ZNF551: variants seen among roughly 807,000 people sequenced by gnomAD.
ZNF551 encodes the protein zinc finger protein 551, also known as KOX 23 protein (56 AA).
ZNF551 carries 5 observed loss-of-function variants against 7.9 expected under a neutral mutation model. The ratio of observed to expected loss-of-function variants is 0.63; its 90% confidence interval spans 0.33 to 1.33. The LOEUF is 1.33. Ranked by LOEUF, ZNF551 falls within the 40% of genes most tolerant of loss-of-function variation. ZNF551 has a pLI of 0.05. For missense variants in ZNF551, 788 were observed against 825.2 expected, an observed-to-expected ratio of 0.95 and a Z score of 0.55; for synonymous variants, 287 against 277.3, an observed-to-expected ratio of 1.03 and a Z score of -0.35.
Position 57,687,311 on chromosome 19 carries a change from T to C in ZNF551, c.1036T>C (p.Tyr346His). 1 of 1,614,138 alleles carries C rather than the reference T, an allele frequency of 6.2e-7. No individual in the cohort carries two copies. Among genetic ancestry groups the C allele is most frequent in the Non-Finnish European group, 8.5e-7 (1 of 1,180,026 alleles). ...TGGTGAATGTAGGAAAACCTTTAGC[T>C]ACAAATCTAACCTCATTGAACACCA... is the stretch of plus-strand genomic sequence containing the variant. The part of the protein sequence containing the change: ...ECGECRKTFS[Y>H]KSNLIEHQRV... Residue 346 changes from tyrosine to histidine, a missense_variant, in exon 3 of 3, where the codon TAC (tyrosine) becomes CAC (histidine). Transcript: ENST00000282296.
chr19:57,687,407 C>G lies in ZNF551; in HGVS notation c.1132C>G (p.Leu378Val), dbSNP rs774810420. Residue 378 changes from leucine (L) to valine (V), a missense_variant, in exon 3 of 3, where the codon CTT becomes GTT. Coordinates refer to ENST00000282296, the MANE Select transcript of ZNF551 (RefSeq NM_138347.5). ...GAAATCCTTTAGACAAAGCTCTAGC[C>G]TTTTTCGACACCAGAGAGTTCACTC... ...CGKSFRQSSS[L>V]FRHQRVHSGE... is the part of the protein sequence containing the mutation. 1.2e-6 allele frequency: 2 copies of G among 1,614,110 alleles called. No homozygotes were observed. The highest frequency in any genetic ancestry group is 1.3e-5 in the African/African-American group (1 of 75,026).
chr19:57,687,211 T>C lies in ZNF551; in HGVS notation c.936T>C (p.Arg312=). The C allele has an allele frequency of 6.2e-7, 1 of 1,614,142 alleles. No homozygotes were observed. The highest frequency in any genetic ancestry group is 8.5e-7 in the Non-Finnish European group (1 of 1,180,026). The change falls in exon 3 of 3, where the codon CGT becomes CGC. Residue 312 remains arginine, a synonymous_variant. Coordinates refer to ENST00000282296, the MANE Select transcript of ZNF551 (RefSeq NM_138347.5). Reference sequence around the variant, plus strand: ...AAAGGCCTTATGAATGCAGTGATCGTGAGAAAGCCTTTATCCATAAATCTG... The same window carrying C: ...AAAGGCCTTATGAATGCAGTGATCGCGAGAAAGCCTTTATCCATAAATCTG... ...TGERPYECSD[R]EKAFIHKSEF... is the part of the protein sequence containing the mutation.
rs372207014 is a variant in ZNF551, at chr19:57,683,973, C to G, written c.82-1289C>G. On this transcript the variant is annotated intron_variant, in intron 1 of 2. Transcript: ENST00000282296. ...GGGGCATAATTGGCCATCTGTGGGA[C>G]TCGATGGGCCCGGGGTAGAGAGCCA... is the stretch of plus-strand genomic sequence containing the variant. 2.0e-5 allele frequency among the ~76,000 whole-genome samples: 3 copies of G among 151,938 alleles called. No individual in the cohort carries two copies. The South Asian group carries it at 6.2e-4, about 32-fold the overall frequency.
At chr19:57,685,892 C>T (rs1056274252) in intron 2 of ZNF551, among the ~76,000 whole-genome samples, 2 of 152,200 alleles carry the variant, frequency 1.3e-5, no homozygotes, top group African/African-American at 4.8e-5. Context: ...GTGATGTGTC[C>T]AGCAGTATTT....
chr19:57,685,494 C>T, intron 2 of ZNF551, 109 bp downstream of exon 2: 3 of 1,547,718 alleles, frequency 1.9e-6, no homozygotes, highest in Non-Finnish European at 1.8e-6. Context: ...TTCTTGTCTT[C>T]CCCCTGTCAG....
chr19:57,685,508 G>C, intron 2 of ZNF551, 123 bp downstream of exon 2: 1 of 1,473,702 alleles, frequency 6.8e-7, no homozygotes, highest in Non-Finnish European at 9.5e-7. Flanking sequence ...CTGTCAGGAT[G>C]ACTGTGTACA....
chr19:57,685,122 G>A, intron 1 of ZNF551, 140 bp from the exon 2 acceptor site: 2 of 1,058,062 alleles, frequency 1.9e-6, no homozygotes, highest in Non-Finnish European at 2.8e-6. Flanking sequence ...GAACTGTGGG[G>A]AGAGGGTAGG....
chr19:57,686,919 C>T lies in ZNF551; in HGVS notation c.644C>T (p.Ala215Val). 1 of 1,614,146 alleles carries T rather than the reference C, an allele frequency of 6.2e-7. No individual in the cohort carries two copies. Among genetic ancestry groups the T allele is most frequent in the South Asian group, 1.1e-5 (1 of 91,086 alleles). The change falls in exon 3 of 3, where the codon GCA (alanine) becomes GTA (valine). Residue 215 changes from alanine (A) to valine (V), a missense_variant. Ala to Val is a moderately conservative substitution (Grantham distance 64). Transcript: ENST00000282296. ...PHSSSSKHIQ[A>V]FFNAKSYYKW... is the part of the protein sequence containing the mutation. ...AGTAGCAGCAGCAAGCATATACAGGCATTTTTCAATGCAAAAAGTTATTAC... is the reference window on the plus strand; with the variant it reads ...AGTAGCAGCAGCAAGCATATACAGGTATTTTTCAATGCAAAAAGTTATTAC...
At chr19:57,683,109 G>A (rs1984443061) in intron 1 of ZNF551, among the ~76,000 whole-genome samples, 1 of 152,170 alleles carries the variant, frequency 6.6e-6, no homozygotes, top group South Asian at 2.1e-4. Context: ...GAGTGGAAGA[G>A]GGAGGTGATC....
intron 2 of ZNF551, among the ~76,000 whole-genome samples, chr19:57,686,037 C>T (rs574168251): frequency 2.6e-4 from 39 of 152,338 alleles, no homozygotes; most frequent in Non-Finnish European, 4.0e-4. Flanking sequence ...GTCACTTGTT[C>T]GTCTCCACAG....
In ZNF551 at chr19:57,690,431, ATACATATGTGTT is replaced by A. The variant is rs1330149169; in HGVS notation, c.*2146_*2157del. On this transcript the variant is annotated 3_prime_UTR_variant, in exon 3 of 3. Transcript: ENST00000282296. Reference sequence around the variant, plus strand: ...TACGCATATACGTATACGTATATATATACATATGTGTTTATATATGTGTGTGTGTATATATAT... The same window carrying A: ...TACGCATATACGTATACGTATATATATATATATGTGTGTGTGTATATATAT... 6.8e-6 allele frequency: 1 copy of A among 147,644 alleles called. No individual in the cohort carries two copies. Among genetic ancestry groups the A allele is most frequent in the Non-Finnish European group, 1.5e-5 (1 of 66,502 alleles). 9.1% of individuals were successfully genotyped at this position (147,644 alleles called of 1,614,324 possible).
intron 2 of ZNF551, 44 bp from the exon 3 acceptor site, chr19:57,686,437 C>T: frequency 6.3e-7 from 1 of 1,582,998 alleles, no homozygotes; most frequent in Admixed American, 1.7e-5. Context: ...TTTCTCCTTC[C>T]ATGAAAGTCA....
Position 57,687,242 on chromosome 19 carries a change from A to T in ZNF551, c.967A>T (p.Ile323Phe), listed in dbSNP as rs147446649. 9.9e-6 allele frequency: 16 copies of T among 1,614,052 alleles called. No individual in the cohort carries two copies. In the African/African-American group the frequency reaches 2.1e-4, roughly 22 times the overall value. Residue 323 changes from isoleucine (I) to phenylalanine (F), a missense_variant, in exon 3 of 3, where the codon ATT becomes TTT. Coordinates refer to ENST00000282296, the MANE Select transcript of ZNF551 (RefSeq NM_138347.5). The part of the protein sequence containing the change: ...EKAFIHKSEF[I>F]HHQRRHTGGV... The stretch of plus-strand genomic sequence containing the variant: ...AGCCTTTATCCATAAATCTGAATTC[A>T]TTCACCACCAGAGACGTCACACTGG...
chr19:57,689,472 G>C lies in ZNF551; in HGVS notation c.*1184G>C, dbSNP rs1277171367. The C allele has an allele frequency of 2.0e-5, 3 of 152,194 alleles. No homozygotes were observed. In the East Asian group the frequency reaches 5.8e-4, roughly 29 times the overall value. The allele number at this position is 152,194 out of a possible 1,614,324, so 9.4% of individuals were successfully genotyped here. ...TGGTTGTGTAGGATCAGTGCATACAGAAATTCTCAGGATCTTCTGTTTACT... is the reference window on the plus strand; with the variant it reads ...TGGTTGTGTAGGATCAGTGCATACACAAATTCTCAGGATCTTCTGTTTACT... On this transcript the variant is annotated 3_prime_UTR_variant, in exon 3 of 3. Transcript: ENST00000282296.
Position 57,682,112 on chromosome 19 carries a change from C to A in ZNF551, c.-52C>A. On this transcript the variant is annotated 5_prime_UTR_variant, in exon 1 of 3. Transcript: ENST00000282296. ...CGAAAGTGGGCCAGAGGTTCTGCGACACCACCTCGGGTGAGCTGCGCCAGG... is the reference window on the plus strand; with the variant it reads ...CGAAAGTGGGCCAGAGGTTCTGCGAAACCACCTCGGGTGAGCTGCGCCAGG... 1 of 1,521,106 alleles carries A rather than the reference C, an allele frequency of 6.6e-7. No homozygotes were observed. The highest frequency in any genetic ancestry group is 2.0e-5 in the Admixed American group (1 of 49,978). 94.2% of individuals were successfully genotyped at this position (1,521,106 alleles called of 1,614,324 possible). A position where few individuals can be genotyped will look rare whatever the true frequency, so the allele number is the denominator to read the frequency against.
chr19:57,682,118 C>G lies in ZNF551; in HGVS notation c.-46C>G. 2.0e-6 allele frequency: 3 copies of G among 1,529,502 alleles called. No individual in the cohort carries two copies. Among genetic ancestry groups the G allele is most frequent in the Non-Finnish European group, 2.6e-6 (3 of 1,136,546 alleles). The allele number at this position is 1,529,502 out of a possible 1,614,324, so 94.7% of individuals were successfully genotyped here. On this transcript the variant is annotated 5_prime_UTR_variant, in exon 1 of 3. Transcript: ENST00000282296. ...TGGGCCAGAGGTTCTGCGACACCAC[C>G]TCGGGTGAGCTGCGCCAGGCCCGGG...
In ZNF551 at chr19:57,690,457, GTGTA is replaced by G. The variant is rs745901201; in HGVS notation, c.*2171_*2174del. On this transcript the variant is annotated 3_prime_UTR_variant, in exon 3 of 3. Transcript: ENST00000282296. ...TACATATGTGTTTATATATGTGTGT[GTGTA>G]TATATATATACTTACTGGTTTTCTT... 4.5e-5 allele frequency: 3 copies of G among 66,674 alleles called. No individual in the cohort carries two copies. Among genetic ancestry groups the G allele is most frequent in the Non-Finnish European group, 7.9e-5 (2 of 25,226 alleles). 4.1% of individuals were successfully genotyped at this position (66,674 alleles called of 1,614,324 possible). A position where few individuals can be genotyped will look rare whatever the true frequency, so the allele number is the denominator to read the frequency against.
chr19:57,682,038 C>A lies in ZNF551; in HGVS notation c.-126C>A. ...GCCTCTGTCCTGTTTGTCCAGCCCG[C>A]CAGTTTCTGCAGTGGAGGTCGCGAC... is the stretch of plus-strand genomic sequence containing the variant. On this transcript the variant is annotated 5_prime_UTR_variant, in exon 1 of 3. Coordinates refer to ENST00000282296, the MANE Select transcript of ZNF551 (RefSeq NM_138347.5). 9.7e-7 allele frequency: 1 copy of A among 1,026,162 alleles called. No individual in the cohort carries two copies. Among genetic ancestry groups the A allele is most frequent in the Non-Finnish European group, 1.4e-6 (1 of 709,358 alleles). 63.6% of individuals were successfully genotyped at this position (1,026,162 alleles called of 1,614,324 possible).
Position 57,688,391 on chromosome 19 carries a change from A to G in ZNF551, c.*103A>G. ...AAACTTTGAGCACCCACAGTGGGGT[A>G]TTCTTCATAAGTTTCAGGTATGTGG... is the stretch of plus-strand genomic sequence containing the variant. On this transcript the variant is annotated 3_prime_UTR_variant, in exon 3 of 3. Coordinates refer to ENST00000282296, the MANE Select transcript of ZNF551 (RefSeq NM_138347.5). The G allele has an allele frequency of 2.1e-6, 3 of 1,459,042 alleles. No homozygotes were observed. In the Admixed American group the frequency reaches 6.4e-5, roughly 31 times the overall value. 90.4% of individuals were successfully genotyped at this position (1,459,042 alleles called of 1,614,324 possible).
Sources: allele counts gnomAD v4.1 joint callset (sites outside exome capture counted in the v4.1 genomes callset), GRCh38; gene constraint gnomAD v4.1.1; transcripts MANE v1.5; gene names NCBI Gene and HGNC (gene_info 2026-07-23, HGNC 2026-07-21).